RRBP1: variants seen among roughly 807,000 people sequenced by gnomAD.
The protein encoded by RRBP1 is ribosome-binding protein 1.
In RRBP1, 94 loss-of-function variants were observed where a neutral mutation model predicts 165.2. The observed-to-expected ratio is 0.57, with a 90% CI of 0.48 to 0.68. The LOEUF (loss-of-function observed/expected upper bound fraction) is 0.68, where lower values mean the gene tolerates loss of function less well. Among genes scored for constraint, RRBP1 ranks in the 30% least tolerant of loss-of-function variants. The pLI, the probability that RRBP1 is intolerant of heterozygous loss-of-function variation, is 0.00. For missense variants in RRBP1, 1,676 were observed against 1,763.0 expected, an observed-to-expected ratio of 0.95 and a Z score of 0.88; for synonymous variants, 680 against 714.5, an observed-to-expected ratio of 0.95 and a Z score of 0.77.
intron 13 of RRBP1, among the ~76,000 whole-genome samples, chr20:17,624,328 G>C (rs1249781230): frequency 6.6e-6 from 1 of 152,214 alleles, no homozygotes; most frequent in Non-Finnish European, 1.5e-5. Flanking sequence ...GTGTGTCCTA[G>C]TGCGTCTGTA....
intron 19 of RRBP1, 138 bp from the exon 20 acceptor site, chr20:17,618,817 C>T (rs1643278448): frequency 7.4e-6 from 5 of 672,688 alleles, no homozygotes; most frequent in East Asian, 2.7e-5. Context: ...AGCATCGGGC[C>T]GGCACAGGGC....
intron 11 of RRBP1, among the ~76,000 whole-genome samples, chr20:17,626,666 T>C (rs1192979801): frequency 6.6e-6 from 1 of 152,096 alleles, no homozygotes; most frequent in African/African-American, 2.4e-5. Context: ...AGGACCTGCC[T>C]CCCCAGACTG....
chr20:17,622,964 C>T (rs1028763980), intron 13 of RRBP1: 4 of 152,272 alleles, frequency 2.6e-5, no homozygotes, highest in African/African-American at 9.7e-5. Flanking sequence ...TGACGCACAC[C>T]TGAGAAGCGG....
rs781005059 is a variant in RRBP1, at chr20:17,629,839, T to C, written c.2733A>G (p.Gln911=). Residue 911 remains glutamine, a synonymous_variant, in exon 9 of 25, where the codon CAA becomes CAG. Transcript: ENST00000377813. ...LRADAEKAQE[Q]QQQMAELHSK... is the part of the protein sequence containing the mutation. The stretch of plus-strand genomic sequence containing the variant: ...CGCCCTTACCGGCCATCTGCTGCTG[T>C]TGCTCCTGGGCCTTCTCGGCATCCG... The C allele has an allele frequency of 4.4e-6, 7 of 1,598,484 alleles. No individual in the cohort carries two copies. The highest frequency in any genetic ancestry group is 5.9e-6 in the Non-Finnish European group (7 of 1,178,884).
chr20:17,663,210 G>A (rs567657577), intron 2 of RRBP1, among the ~76,000 whole-genome samples: 34 of 152,282 alleles, frequency 2.2e-4, no homozygotes, highest in African/African-American at 7.7e-4. Flanking sequence ...CGCACAAAGC[G>A]GGGCCTGTTC....
intron 2 of RRBP1, among the ~76,000 whole-genome samples, chr20:17,674,955 A>G (rs1328718787): frequency 6.6e-6 from 1 of 152,240 alleles, no homozygotes; most frequent in East Asian, 1.9e-4. Flanking sequence ...AAGGAATTAA[A>G]GGATGCTCAC....
chr20:17,634,623 G>C (rs1040031953), intron 7 of RRBP1, among the ~76,000 whole-genome samples: 1 of 152,242 alleles, frequency 6.6e-6, no homozygotes, highest in African/African-American at 2.4e-5. Context: ...CTGCCTCAGC[G>C]TGACAAGTCT....
At chr20:17,636,282 G>C (rs2036247125) in intron 6 of RRBP1, among the ~76,000 whole-genome samples, 2 of 152,268 alleles carry the variant, frequency 1.3e-5, no homozygotes, top group African/African-American at 4.8e-5. Flanking sequence ...AGACACCCAG[G>C]AGGCAGGGAA....
At chr20:17,638,107 G>A (rs2036281501) in intron 5 of RRBP1, among the ~76,000 whole-genome samples, 1 of 152,198 alleles carries the variant, frequency 6.6e-6, no homozygotes, top group Non-Finnish European at 1.5e-5. Context: ...AGCCCCTGGG[G>A]AAAGGGAGGA....
chr20:17,615,761 C>T (rs1213599969), intron 22 of RRBP1, among the ~76,000 whole-genome samples, 165 bp downstream of exon 22: 1 of 152,248 alleles, frequency 6.6e-6, no homozygotes, highest in Non-Finnish European at 1.5e-5. Flanking sequence ...TGCCTCCAGC[C>T]TGTGCTCCAC....
chr20:17,620,885 C>A (rs1324761287), intron 16 of RRBP1, 78 bp from the exon 17 acceptor site: 10 of 1,096,454 alleles, frequency 9.1e-6, no homozygotes, highest in African/African-American at 7.7e-5. Flanking sequence ...CCTGTCCCTG[C>A]AGCCCTGGTG....
chr20:17,668,104 A>C (rs1600185409), intron 2 of RRBP1, among the ~76,000 whole-genome samples: 1 of 152,212 alleles, frequency 6.6e-6, no homozygotes, highest in Non-Finnish European at 1.5e-5. Flanking sequence ...GTGTATATTT[A>C]ACTTATTCAG....
Position 17,627,484 on chromosome 20 carries a change from GC to G in RRBP1, c.2928+19del. On this transcript the variant is annotated intron_variant, in intron 10 of 24. Coordinates refer to ENST00000377813, the MANE Select transcript of RRBP1 (RefSeq NM_001365613.2). ...GATGGAGTTCCCTTTCCTCCCCGTGGCCCCAGGCAGAAGGCTGACCTGGACG... is the reference window on the plus strand; with the variant it reads ...GATGGAGTTCCCTTTCCTCCCCGTGGCCCAGGCAGAAGGCTGACCTGGACG... The G allele has an allele frequency of 6.2e-7, 1 of 1,605,808 alleles. No homozygotes were observed. Among genetic ancestry groups the G allele is most frequent in the Non-Finnish European group, 8.5e-7 (1 of 1,174,846 alleles).
chr20:17,637,453 G>T (rs1374142478), intron 5 of RRBP1, among the ~76,000 whole-genome samples: 1 of 152,214 alleles, frequency 6.6e-6, no homozygotes, highest in Non-Finnish European at 1.5e-5. Flanking sequence ...GAGCCCCTGG[G>T]GTGGGGGTGT....
chr20:17,618,873 A>C (rs1352953672), intron 19 of RRBP1, 194 bp from the exon 20 acceptor site: 2 of 595,738 alleles, frequency 3.4e-6, no homozygotes, highest in Non-Finnish European at 6.0e-6. Flanking sequence ...AGGACTTAGG[A>C]AGAATGGTGT....
chr20:17,655,505 C>T (rs559942184), intron 3 of RRBP1, among the ~76,000 whole-genome samples: 7 of 152,352 alleles, frequency 4.6e-5, no homozygotes, highest in African/African-American at 2.4e-5. Context: ...ATTGTGACCA[C>T]GTGACCATGT....
Position 17,627,698 on chromosome 20 carries a change from G to C in RRBP1, c.2750-16C>G. On this transcript the variant is annotated splice_polypyrimidine_tract_variant and intron_variant, in intron 9 of 24. Coordinates refer to ENST00000377813, the MANE Select transcript of RRBP1 (RefSeq NM_001365613.2). ...CTGTGCAGCTCTGGTGCAGAGGAAG[G>C]GAAACGAGAAGTTAAGAGACTGCAA... The C allele has an allele frequency of 6.4e-7, 1 of 1,571,756 alleles. No individual in the cohort carries two copies. Among genetic ancestry groups the C allele is most frequent in the Admixed American group, 1.8e-5 (1 of 54,276 alleles).
At position 17,632,346 on chromosome 20, in the gene RRBP1, C is replaced by CAGT. The variant is rs1426390885; in HGVS notation, c.2610+1111_2610+1113dup. Among the ~76,000 whole-genome samples the CAGT allele has an allele frequency of 2.6e-5, 4 of 152,192 alleles. No homozygotes were observed. The East Asian group carries it at 7.7e-4, about 29-fold the overall frequency. On this transcript the variant is annotated intron_variant, in intron 8 of 24. Coordinates refer to ENST00000377813, the MANE Select transcript of RRBP1 (RefSeq NM_001365613.2). ...ACACGTGATGGTGACAGACCAAGCC[C>CAGT]AGTTCCAGGCCCAGATGGACCACAA...
In RRBP1 at chr20:17,614,171, A is replaced by G. The variant is rs200148895; in HGVS notation, c.*11T>C. ...AAGTTGAACAGTAACTTCTTTTTCC[A>G]AAGAGGAAACTCAGACAGAGGTGCC... On this transcript the variant is annotated 3_prime_UTR_variant, in exon 25 of 25. Coordinates refer to ENST00000377813, the MANE Select transcript of RRBP1 (RefSeq NM_001365613.2). 199 of 1,613,838 alleles carry G rather than the reference A, an allele frequency of 1.2e-4. 1 individual carries two copies. In the African/African-American group the frequency reaches 2.3e-3, roughly 19 times the overall value.
Sources: gnomAD v4.1 joint callset for allele counts (sites outside exome capture counted in the v4.1 genomes callset) on GRCh38, gnomAD v4.1.1 for gene constraint, MANE v1.5 for transcripts, NCBI Gene and HGNC (gene_info 2026-07-23, HGNC 2026-07-21) for gene names.